Variants in TTC12 observed in about 807,000 individuals in gnomAD.
The protein encoded by TTC12 is tetratricopeptide repeat domain 12, also known as tetratricopeptide repeat protein 12.
TTC12 carries 70 observed loss-of-function variants against 90.1 expected under a neutral mutation model. That is an observed-to-expected ratio of 0.78 (90% CI 0.64 to 0.95). The LOEUF (loss-of-function observed/expected upper bound fraction) is 0.95, where lower values mean the gene tolerates loss of function less well. TTC12 is among the 40% of genes least tolerant of loss of function. TTC12 has a pLI of 0.00. For missense variants in TTC12, 819 were observed against 846.1 expected (o/e 0.97, Z 0.40); for synonymous variants, 296 against 311.5 (o/e 0.95, Z 0.53).
In TTC12 at chr11:113,316,269, TA is replaced by T; in HGVS notation, c.15del (p.Glu6ArgfsTer17). The part of the protein sequence containing the change: MDAD[K>X]EKDLQKFLKN... Reference sequence around the variant, plus strand: ...GATTCCGGTTCACAATGGATGCTGATAAAGAGAAAGATTTGCAGAAATTTCT... The same window carrying T: ...GATTCCGGTTCACAATGGATGCTGATAAGAGAAAGATTTGCAGAAATTTCT... On this transcript the variant is annotated frameshift_variant, in exon 2 of 22. Coordinates refer to ENST00000529221, the MANE Select transcript of TTC12 (RefSeq NM_017868.4). LOFTEE classifies it high-confidence loss of function. The T allele has an allele frequency of 6.8e-7, 1 of 1,471,736 alleles. No individual in the cohort carries two copies. The highest frequency in any genetic ancestry group is 9.0e-7 in the Non-Finnish European group (1 of 1,109,258). 91.2% of individuals were successfully genotyped at this position (1,471,736 alleles called of 1,614,324 possible).
chr11:113,337,879 G>A (rs1341429781), intron 8 of TTC12, among the ~76,000 whole-genome samples: 1 of 152,090 alleles, frequency 6.6e-6, no homozygotes, highest in East Asian at 1.9e-4. Context: ...TGACAGTGAA[G>A]CCAACAAAAA....
At chr11:113,326,113 C>T (rs75590462) in intron 6 of TTC12, among the ~76,000 whole-genome samples, 2,450 of 152,136 alleles carry the variant, frequency 0.016, 28 homozygotes, top group South Asian at 0.032. Flanking sequence ...TAAGATTCTG[C>T]GACAGGGATA....
At chr11:113,315,027 C>CA in intron 1 of TTC12, 1 of 152,486 alleles carries the variant, frequency 6.6e-6, no homozygotes, top group East Asian at 1.9e-4. Context: ...CCCTGGGAGA[C>CA]AGAGGTTGTC....
At chr11:113,364,127 C>T (rs1393784022) in intron 20 of TTC12, among the ~76,000 whole-genome samples, 200 bp downstream of exon 20, 1 of 152,226 alleles carries the variant, frequency 6.6e-6, no homozygotes, top group African/African-American at 2.4e-5. Flanking sequence ...AGGTAGAATG[C>T]CCAGGCTGGA....
At chr11:113,359,273 G>A (rs1949786781) in intron 16 of TTC12, 90 bp from the exon 17 acceptor site, 9 of 793,670 alleles carry the variant, frequency 1.1e-5, no homozygotes, top group Non-Finnish European at 1.7e-5. Flanking sequence ...GGGAGTGTGG[G>A]GAACTCTGAG....
Position 113,338,826 on chromosome 11 carries a change from A to G in TTC12, c.629A>G (p.Gln210Arg). 6.2e-7 allele frequency: 1 copy of G among 1,614,032 alleles called. No individual in the cohort carries two copies. The highest frequency in any genetic ancestry group is 8.5e-7 in the Non-Finnish European group (1 of 1,179,904). ...ILEINPKLQT[Q>R]VKGYLNQVDL... ...GAAATAAACCCCAAGCTGCAAACCCAGGTGAAAGGTGAGCACGTTCCTGCT... is the reference window on the plus strand; with the variant it reads ...GAAATAAACCCCAAGCTGCAAACCCGGGTGAAAGGTGAGCACGTTCCTGCT... The change falls in exon 9 of 22, where the codon CAG (glutamine) becomes CGG (arginine). Residue 210 changes from glutamine to arginine, a missense_variant. Gln to Arg is a conservative substitution (Grantham distance 43). Coordinates refer to ENST00000529221, the MANE Select transcript of TTC12 (RefSeq NM_017868.4).
chr11:113,363,535 A>G (rs994850871), intron 19 of TTC12, among the ~76,000 whole-genome samples: 1 of 152,160 alleles, frequency 6.6e-6, no homozygotes, highest in Non-Finnish European at 1.5e-5. Flanking sequence ...ATTCATCAGC[A>G]TCATTCTCTT....
chr11:113,333,321 C>T (rs370450507), intron 7 of TTC12, among the ~76,000 whole-genome samples: 6 of 152,278 alleles, frequency 3.9e-5, no homozygotes, highest in African/African-American at 1.4e-4. Flanking sequence ...CCTCCATCCT[C>T]CTCTCTTCAC....
intron 16 of TTC12, among the ~76,000 whole-genome samples, chr11:113,356,521 G>A (rs1555152509): frequency 6.6e-6 from 1 of 152,146 alleles, no homozygotes; most frequent in Non-Finnish European, 1.5e-5. Flanking sequence ...TTATTTATGT[G>A]GTTGCTTTAT....
At chr11:113,371,808 A>G (rs570891847) in intron 21 of TTC12, among the ~76,000 whole-genome samples, 37 of 152,238 alleles carry the variant, frequency 2.4e-4, no homozygotes, top group Admixed American at 7.2e-4. Context: ...TAGCCCCTCG[A>G]TTGCCTTGTC....
chr11:113,348,047 T>C (rs1372446527), intron 13 of TTC12, among the ~76,000 whole-genome samples: 2 of 152,178 alleles, frequency 1.3e-5, no homozygotes, highest in Admixed American at 6.5e-5. Flanking sequence ...GACCCCAGGA[T>C]CCTACCCTTG....
At chr11:113,319,007 A>G (rs1484207506) in intron 2 of TTC12, among the ~76,000 whole-genome samples, 3 of 152,194 alleles carry the variant, frequency 2.0e-5, no homozygotes, top group African/African-American at 7.2e-5. Context: ...TGTGAGATAC[A>G]TTTAGTGACT....
chr11:113,368,672 G>A, downstream of TTC12: 1 of 653,168 alleles, frequency 1.5e-6, no homozygotes, highest in Non-Finnish European at 2.7e-6. Context: ...TCAGAGTTGA[G>A]AGGAAACAAT....
At chr11:113,368,421 C>G (rs1209781860), downstream of TTC12, 2 of 1,550,222 alleles carry the variant, frequency 1.3e-6, no homozygotes, top group African/African-American at 1.4e-5. Flanking sequence ...TCTCCACTTG[C>G]CAGGAGCCCC....
chr11:113,325,710 A>G, intron 6 of TTC12, 65 bp downstream of exon 6: 3 of 1,594,552 alleles, frequency 1.9e-6, no homozygotes, highest in South Asian at 2.3e-5. Flanking sequence ...AACTTGGGAA[A>G]ACAAAGATGA....
chr11:113,365,950 A>G (rs924250055), intron 21 of TTC12, among the ~76,000 whole-genome samples: 1 of 152,218 alleles, frequency 6.6e-6, no homozygotes, highest in East Asian at 1.9e-4. Context: ...GTGGCAACCT[A>G]TGGGGGAGTT....
chr11:113,357,752 A>G (rs1209023053), intron 16 of TTC12, among the ~76,000 whole-genome samples: 1 of 152,176 alleles, frequency 6.6e-6, no homozygotes, highest in East Asian at 1.9e-4. Flanking sequence ...AGGGACTTGT[A>G]TTGGGCCTCA....
At chr11:113,367,243 C>T (rs964452237), downstream of TTC12, among the ~76,000 whole-genome samples, 4 of 152,196 alleles carry the variant, frequency 2.6e-5, no homozygotes, top group Non-Finnish European at 4.4e-5. Context: ...GAGTCCCAGA[C>T]CAAAGTTCCA....
chr11:113,325,406 C>G (rs1422727517), intron 5 of TTC12, 118 bp from the exon 6 acceptor site: 1 of 1,249,468 alleles, frequency 8.0e-7, no homozygotes, highest in African/African-American at 1.5e-5. Flanking sequence ...TGTCAAGTCC[C>G]TTTAGGATCG....
Sources: gnomAD v4.1 joint callset for allele counts (sites outside exome capture counted in the v4.1 genomes callset) on GRCh38, gnomAD v4.1.1 for gene constraint, MANE v1.5 for transcripts, NCBI Gene and HGNC (gene_info 2026-07-23, HGNC 2026-07-21) for gene names.